The following BIN3 variants were observed in gnomAD, a reference collection of about 807,000 sequenced individuals.
BIN3 encodes the protein bridging integrator 3.
BIN3 carries 41 observed loss-of-function variants against 38.2 expected under a neutral mutation model. The observed-to-expected ratio is 1.07, with a 90% CI of 0.84 to 1.39. BIN3 has a LOEUF of 1.39. Ranked by LOEUF, BIN3 falls within the 40% of genes most tolerant of loss-of-function variation. BIN3 has a pLI of 0.00. For synonymous variants in BIN3, 145 were observed against 122.6 expected, an observed-to-expected ratio of 1.18 and a Z score of -1.21; for missense variants, 361 against 324.3, an observed-to-expected ratio of 1.11 and a Z score of -0.87.
chr8:22,651,565 C>T (rs1802891632), intron 1 of BIN3, among the ~76,000 whole-genome samples: 1 of 152,212 alleles, frequency 6.6e-6, no homozygotes, highest in South Asian at 2.1e-4. Context: ...TACCTGCAGG[C>T]TAATTTGGGC....
rs949754482 is a variant in BIN3, at chr8:22,623,996, C to G, written c.534G>C (p.Gln178His). 3 of 1,612,946 alleles carry G rather than the reference C, an allele frequency of 1.9e-6. No individual in the cohort carries two copies. The South Asian group carries it at 3.3e-5, about 18-fold the overall frequency. ...AGAAGCGCGGCATCTCCTCCAGCAG[C>G]TGCCTGTTCTTGGCTTCAAAGTCCT... ...VREDFEAKNR[Q>H]LLEEMPRFYG... Residue 178 changes from glutamine (Q) to histidine (H), a missense_variant, in exon 8 of 9, where the codon CAG becomes CAC. Gln to His is a conservative substitution (Grantham distance 24). Transcript: ENST00000276416.
chr8:22,642,704 A>G (rs149155610), intron 2 of BIN3, among the ~76,000 whole-genome samples: 247 of 152,332 alleles, frequency 1.6e-3, no homozygotes, highest in African/African-American at 5.7e-3. Flanking sequence ...TCCTGATTTT[A>G]TAAACGAGAA....
At chr8:22,625,569 T>C (rs1563944154) in intron 6 of BIN3, 2 of 611,438 alleles carry the variant, frequency 3.3e-6, no homozygotes, top group East Asian at 2.8e-5. Flanking sequence ...GACTCCCAGA[T>C]GTGCCTCTCA....
chr8:22,662,790 C>T (rs891066416), intron 1 of BIN3, among the ~76,000 whole-genome samples: 2 of 152,022 alleles, frequency 1.3e-5, no homozygotes, highest in Non-Finnish European at 2.9e-5. Flanking sequence ...TATGCACTCA[C>T]CTCAGGAAGA....
chr8:22,666,870 C>T (rs1037377808), intron 1 of BIN3, among the ~76,000 whole-genome samples: 4 of 152,144 alleles, frequency 2.6e-5, no homozygotes, highest in East Asian at 1.9e-4. Context: ...GATGGCTCTA[C>T]GTCACTCTGG....
intron 1 of BIN3, among the ~76,000 whole-genome samples, chr8:22,666,118 C>A (rs1295794831): frequency 6.6e-6 from 1 of 152,120 alleles, no homozygotes; most frequent in Non-Finnish European, 1.5e-5. Context: ...AGGGAGATTT[C>A]TTCCAGTACT....
In BIN3 at chr8:22,636,513, A is replaced by G. The variant is rs376969483; in HGVS notation, c.160+12T>C. 1.9e-5 allele frequency: 29 copies of G among 1,551,746 alleles called. No homozygotes were observed. The highest frequency in any genetic ancestry group is 1.7e-4 in the Middle Eastern group (1 of 6,014). ...CTGCTCAAGCGAGTGGTGCGGGTGG[A>G]AAGTCACCTACCCAGGTCTGCGTCG... On this transcript the variant is annotated intron_variant, in intron 4 of 8. Transcript: ENST00000276416.
At chr8:22,650,450 T>C (rs1368879578) in intron 1 of BIN3, among the ~76,000 whole-genome samples, 1 of 152,214 alleles carries the variant, frequency 6.6e-6, no homozygotes, top group Non-Finnish European at 1.5e-5. Context: ...AGTTCTTCTT[T>C]TGGTATCAAA....
chr8:22,663,083 C>T (rs1803288870), intron 1 of BIN3, among the ~76,000 whole-genome samples: 1 of 152,188 alleles, frequency 6.6e-6, no homozygotes, highest in South Asian at 2.1e-4. Context: ...GGCACCACTG[C>T]ACTCCAGCCT....
chr8:22,660,542 G>GTTC (rs1803199304), intron 1 of BIN3, among the ~76,000 whole-genome samples: 1 of 152,186 alleles, frequency 6.6e-6, no homozygotes, highest in Non-Finnish European at 1.5e-5. Flanking sequence ...GAAAGCAAGA[G>GTTC]GTAGAAGGAA....
intron 1 of BIN3, among the ~76,000 whole-genome samples, chr8:22,653,670 T>C (rs905889490): frequency 1.3e-5 from 2 of 152,180 alleles, no homozygotes; most frequent in African/African-American, 4.8e-5. Flanking sequence ...ACATGAGGGA[T>C]AGTATGAAGA....
At chr8:22,650,666 C>T (rs1802861626) in intron 1 of BIN3, among the ~76,000 whole-genome samples, 1 of 152,202 alleles carries the variant, frequency 6.6e-6, no homozygotes, top group Non-Finnish European at 1.5e-5. Flanking sequence ...GAAACAACCA[C>T]TTTCAACTCA....
At chr8:22,665,833 T>C (rs1010500440) in intron 1 of BIN3, among the ~76,000 whole-genome samples, 1 of 152,020 alleles carries the variant, frequency 6.6e-6, no homozygotes, top group Non-Finnish European at 1.5e-5. Flanking sequence ...AACACCAAAG[T>C]GTGAAGGGCA....
intron 6 of BIN3, chr8:22,626,245 T>G (rs1286295751): frequency 6.6e-6 from 1 of 152,226 alleles, no homozygotes; most frequent in African/African-American, 2.4e-5. Flanking sequence ...CGCGGGCCCC[T>G]CAGCACTACG....
At chr8:22,639,841 A>G (rs1372287425) in intron 2 of BIN3, among the ~76,000 whole-genome samples, 2 of 150,546 alleles carry the variant, frequency 1.3e-5, no homozygotes, top group African/African-American at 2.4e-5. Context: ...ATAATGCCCT[A>G]GCTCCCTTTA....
chr8:22,645,771 C>T (rs955392206), intron 1 of BIN3, among the ~76,000 whole-genome samples: 1 of 152,156 alleles, frequency 6.6e-6, no homozygotes, highest in African/African-American at 2.4e-5. Context: ...TATAGAGGGG[C>T]AAACTTTGGA....
intron 1 of BIN3, among the ~76,000 whole-genome samples, chr8:22,663,440 TAAAAAA>T (rs35060338): frequency 0.25 from 32,356 of 128,690 alleles, 4,581 homozygotes; most frequent in East Asian, 0.47. Context: ...CCGATTTGTT[TAAAAAA>T]AAAAAAAAAA....
chr8:22,630,347 A>G, intron 5 of BIN3, 95 bp downstream of exon 5: 1 of 1,507,538 alleles, frequency 6.6e-7, no homozygotes, highest in South Asian at 1.3e-5. Context: ...CCCTGAGAGC[A>G]GAGGGAGCCC....
intron 7 of BIN3, 65 bp downstream of exon 7, chr8:22,624,157 G>T (rs1184266272): frequency 1.3e-6 from 2 of 1,590,794 alleles, no homozygotes; most frequent in African/African-American, 1.3e-5. Flanking sequence ...TGAGGGGAGG[G>T]ACTTACCACA....
Sources: gnomAD v4.1 joint callset for allele counts (sites outside exome capture counted in the v4.1 genomes callset) on GRCh38, gnomAD v4.1.1 for gene constraint, MANE v1.5 for transcripts, NCBI Gene and HGNC (gene_info 2026-07-23, HGNC 2026-07-21) for gene names.